Variants in CYP4X1 observed in about 807,000 individuals in gnomAD.
The protein encoded by CYP4X1 is cytochrome P450 family 4 subfamily X member 1.
In CYP4X1, 44 loss-of-function variants were observed where a neutral mutation model predicts 57.9. The ratio of observed to expected loss-of-function variants is 0.76; its 90% CI spans 0.60 to 0.98. CYP4X1 has a LOEUF of 0.98. Among genes scored for constraint, CYP4X1 ranks in the 50% least tolerant of loss-of-function variants. CYP4X1 has a pLI of 0.00. For synonymous variants in CYP4X1, 227 were observed against 228.6 expected (o/e 0.99, Z 0.06); for missense variants, 532 against 623.9 (o/e 0.85, Z 1.57).
the CYP4X1 span, among the ~76,000 whole-genome samples, chr1:46,967,174 T>A: frequency 1.3e-5 from 2 of 152,244 alleles, no homozygotes; most frequent in Non-Finnish European, 2.9e-5. Flanking sequence ...CAATCACTAA[T>A]AGGCCTGTAG....
the CYP4X1 span, among the ~76,000 whole-genome samples, chr1:46,995,335 G>T: frequency 6.6e-6 from 1 of 151,972 alleles, no homozygotes; most frequent in East Asian, 1.9e-4. Context: ...ATATCATAAG[G>T]CTTTACTAGG....
the CYP4X1 span, among the ~76,000 whole-genome samples, chr1:47,009,238 A>G: frequency 1.3e-5 from 2 of 152,302 alleles, no homozygotes; most frequent in South Asian, 4.1e-4. Flanking sequence ...ATCAAACTAG[A>G]ACTCAGGATT....
At chr1:46,989,358 T>G in the CYP4X1 span, among the ~76,000 whole-genome samples, 1 of 151,924 alleles carries the variant, frequency 6.6e-6, no homozygotes, top group Non-Finnish European at 1.5e-5. Flanking sequence ...GTGAAGGACC[T>G]CTTCAAGGAG....
the CYP4X1 span, among the ~76,000 whole-genome samples, chr1:46,991,772 C>G: frequency 1.3e-5 from 2 of 150,576 alleles, no homozygotes; most frequent in African/African-American, 2.5e-5. Context: ...ATACGCTGGC[C>G]GGCGACTCGG....
the CYP4X1 span, among the ~76,000 whole-genome samples, chr1:46,998,740 G>A: frequency 1.4e-5 from 2 of 146,476 alleles, no homozygotes; most frequent in Non-Finnish European, 3.0e-5. Context: ...CATCTTGAGT[G>A]AATTTTTGTA....
At chr1:47,007,803 C>T in the CYP4X1 span, among the ~76,000 whole-genome samples, 7 of 152,128 alleles carry the variant, frequency 4.6e-5, no homozygotes, top group East Asian at 1.9e-4. Context: ...GTAGCCAATT[C>T]GATCAACTGG....
chr1:46,971,709 A>G, the CYP4X1 span, among the ~76,000 whole-genome samples: 19 of 152,188 alleles, frequency 1.2e-4, no homozygotes, highest in Non-Finnish European at 1.5e-5. Context: ...TCTTGGCCAC[A>G]TGTATATCTT....
At chr1:47,018,656 A>G in the CYP4X1 span, among the ~76,000 whole-genome samples, 1 of 152,146 alleles carries the variant, frequency 6.6e-6, no homozygotes, top group African/African-American at 2.4e-5. Context: ...AAACATAACA[A>G]TATGTAACAG....
At chr1:46,998,173 GTTTGT>G in the CYP4X1 span, among the ~76,000 whole-genome samples, 1 of 138,534 alleles carries the variant, frequency 7.2e-6, no homozygotes, top group East Asian at 2.7e-4. Context: ...TTTTCTGTTT[GTTTGT>G]TTTTTAGAAA....
At chr1:47,010,402 G>A in the CYP4X1 span, among the ~76,000 whole-genome samples, 1 of 152,130 alleles carries the variant, frequency 6.6e-6, no homozygotes, top group African/African-American at 2.4e-5. Flanking sequence ...GTATGGATAA[G>A]ACATATCTCA....
At chr1:47,004,813 C>T in the CYP4X1 span, among the ~76,000 whole-genome samples, 2,852 of 152,182 alleles carry the variant, frequency 0.019, 75 homozygotes, top group African/African-American at 0.065. Context: ...TGCAGCTCAG[C>T]GCAAATGTGC....
intron 8 of CYP4X1, among the ~76,000 whole-genome samples, chr1:47,043,335 C>G (rs1292602894): frequency 6.6e-6 from 1 of 151,758 alleles, no homozygotes; most frequent in Non-Finnish European, 1.5e-5. Context: ...TTTGAGTTCC[C>G]TGTAGATTCT....
chr1:46,986,423 G>C, the CYP4X1 span, among the ~76,000 whole-genome samples: 1 of 152,196 alleles, frequency 6.6e-6, no homozygotes, highest in Non-Finnish European at 1.5e-5. Flanking sequence ...GTACCTGAAA[G>C]TGACAGAGAG....
chr1:46,984,517 T>G, the CYP4X1 span, among the ~76,000 whole-genome samples: 1 of 151,848 alleles, frequency 6.6e-6, no homozygotes, highest in Non-Finnish European at 1.5e-5. Flanking sequence ...CTGGCTCATC[T>G]CACTGGGACT....
intron 9 of CYP4X1, among the ~76,000 whole-genome samples, chr1:47,048,348 T>C (rs527634842): frequency 6.6e-6 from 1 of 152,320 alleles, no homozygotes; most frequent in South Asian, 2.1e-4. Context: ...CTACTTAAGA[T>C]AGAATCATGA....
At chr1:46,977,843 T>C in the CYP4X1 span, among the ~76,000 whole-genome samples, 1 of 151,932 alleles carries the variant, frequency 6.6e-6, no homozygotes, top group East Asian at 1.9e-4. Context: ...AAAAAAGAAT[T>C]TTCAACCCAG....
At chr1:47,008,422 A>G in the CYP4X1 span, among the ~76,000 whole-genome samples, 3 of 152,228 alleles carry the variant, frequency 2.0e-5, no homozygotes, top group Non-Finnish European at 2.9e-5. Context: ...TCCTGAAGGA[A>G]GCACTAAACA....
the CYP4X1 span, among the ~76,000 whole-genome samples, chr1:47,005,489 G>A: frequency 6.6e-6 from 1 of 152,178 alleles, no homozygotes; most frequent in African/African-American, 2.4e-5. Flanking sequence ...TAAAGCCGGT[G>A]AGCTTTATTG....
intron 8 of CYP4X1, 69 bp downstream of exon 8, chr1:47,039,601 G>A: frequency 7.6e-7 from 1 of 1,322,630 alleles, no homozygotes. Flanking sequence ...TTTTGCGCTG[G>A]TACCTTAGTG....
Sources: allele counts gnomAD v4.1 joint callset (sites outside exome capture counted in the v4.1 genomes callset), GRCh38; gene constraint gnomAD v4.1.1; transcripts MANE v1.5; gene names NCBI Gene and HGNC (gene_info 2026-07-23, HGNC 2026-07-21).